The following IL17RB variants were observed in gnomAD, a reference collection of about 807,000 sequenced individuals.
IL17RB encodes the protein interleukin-17 receptor B.
A neutral mutation model predicts 43.9 loss-of-function variants in IL17RB; 36 were observed. That is an observed-to-expected ratio of 0.82 (90% CI 0.63 to 1.08). The LOEUF is 1.08. Ranked by LOEUF, IL17RB falls within the 50% of genes least tolerant of loss-of-function variation. The pLI is 0.00. For missense variants in IL17RB, 613 were observed against 613.6 expected (o/e 1.00, Z 0.01); for synonymous variants, 225 against 225.4 (o/e 1.00, Z 0.02).
chr3:53,857,071 G>A lies in IL17RB; in HGVS notation c.672+85G>A, dbSNP rs903840526. The A allele has an allele frequency of 6.8e-5, 94 of 1,377,194 alleles. No homozygotes were observed. The Admixed American group carries it at 1.4e-3, about 20-fold the overall frequency. 85.3% of individuals were successfully genotyped at this position (1,377,194 alleles called of 1,614,324 possible). Reference sequence around the variant, plus strand: ...AAAATGGGGACAGTGTTGTCCAAACGTGCTGGGCTACTTTGATGAATTCAA... The same window carrying A: ...AAAATGGGGACAGTGTTGTCCAAACATGCTGGGCTACTTTGATGAATTCAA... On this transcript the variant is annotated intron_variant, in intron 7 of 10. Coordinates refer to ENST00000288167, the MANE Select transcript of IL17RB (RefSeq NM_018725.4).
chr3:53,858,883 C>T (rs1268565366), intron 9 of IL17RB, 65 bp downstream of exon 9: 3 of 1,277,560 alleles, frequency 2.3e-6, no homozygotes, highest in African/African-American at 1.5e-5. Context: ...GCCCCCCACT[C>T]AGTATGTGGA....
rs3733072 is a variant in IL17RB, at chr3:53,852,249, G to A, written c.354+123G>A. ...CTCAATCTTCTGGGCTCAAGCGATC[G>A]TTCTACTTCAGCCTCCCAAGCAGCT... On this transcript the variant is annotated intron_variant, in intron 4 of 10. Transcript: ENST00000288167. The A allele has an allele frequency of 0.015, 13,657 of 887,640 alleles. 840 individuals carry two copies. The East Asian group carries it at 0.16, about 10-fold the overall frequency. The allele number at this position is 887,640 out of a possible 1,614,324, so 55.0% of individuals were successfully genotyped here.
intron 5 of IL17RB, 49 bp from the exon 6 acceptor site, chr3:53,855,245 G>C: frequency 7.7e-7 from 1 of 1,301,730 alleles, no homozygotes; most frequent in East Asian, 2.3e-5. Flanking sequence ...AGGGGGTGGG[G>C]CAGAGATACC....
At chr3:53,858,466 C>T (rs1259524261) in intron 8 of IL17RB, 12 of 1,304,300 alleles carry the variant, frequency 9.2e-6, no homozygotes, top group East Asian at 3.2e-5. Flanking sequence ...TTTAGGTAAG[C>T]GAACTGGTAT....
At chr3:53,855,684 G>C (rs115561361) in intron 6 of IL17RB, among the ~76,000 whole-genome samples, 3 of 152,144 alleles carry the variant, frequency 2.0e-5, no homozygotes, top group East Asian at 3.8e-4. Flanking sequence ...GGAGTCCTAC[G>C]AGCCCTTCCA....
intron 2 of IL17RB, among the ~76,000 whole-genome samples, chr3:53,849,262 G>A (rs1420555360): frequency 6.6e-6 from 1 of 152,216 alleles, no homozygotes; most frequent in African/African-American, 2.4e-5. Flanking sequence ...ACAGGTACCT[G>A]GAGTGGTCCC....
At chr3:53,847,905 G>T (rs537473042) in intron 1 of IL17RB, among the ~76,000 whole-genome samples, 7 of 152,286 alleles carry the variant, frequency 4.6e-5, no homozygotes, top group South Asian at 2.1e-4. Flanking sequence ...ATCAAAAGGA[G>T]ATCTTAGAAG....
chr3:53,852,009 C>T lies in IL17RB; in HGVS notation c.237C>T (p.Arg79=). The change falls in exon 4 of 11, where the codon CGC becomes CGT. Residue 79 remains arginine, a synonymous_variant. Transcript: ENST00000288167. ...TGCCTATCTCGGCAGCCAGCATCCG[C>T]TTGTTGAAGGCCACCAAGATTTGTG... ...SWVLRADASI[R]LLKATKICVT... The T allele has an allele frequency of 1.2e-6, 2 of 1,614,128 alleles. No individual in the cohort carries two copies. The highest frequency in any genetic ancestry group is 1.7e-6 in the Non-Finnish European group (2 of 1,180,006).
chr3:53,851,298 AG>A (rs1386788013), intron 3 of IL17RB, among the ~76,000 whole-genome samples: 2 of 152,204 alleles, frequency 1.3e-5, no homozygotes, highest in Non-Finnish European at 2.9e-5. Flanking sequence ...TCAGAGGGGT[AG>A]GGGAGGCAGA....
At chr3:53,863,002 A>T (rs1027369094) in intron 10 of IL17RB, among the ~76,000 whole-genome samples, 3 of 152,122 alleles carry the variant, frequency 2.0e-5, no homozygotes, top group Non-Finnish European at 2.9e-5. Flanking sequence ...TCGTCAGCCT[A>T]CTCAACAAGA....
chr3:53,857,871 G>A (rs1014247436), intron 8 of IL17RB, 181 bp downstream of exon 8: 5 of 602,754 alleles, frequency 8.3e-6, no homozygotes, highest in East Asian at 2.8e-5. Context: ...GGAGGCCGAC[G>A]TGGCAGTTGT....
rs200916302 is a variant in IL17RB, at chr3:53,860,189, T to G, written c.907T>G (p.Trp303Gly). ...LLLLSLLVAT[W>G]VLVAGIYLMW... ...CCTGCTGTCTCTGCTGGTGGCCACA[T>G]GGGTGCTGGTGGCAGGGATCTATCT... Residue 303 changes from tryptophan to glycine, a missense_variant, in exon 10 of 11, where the codon TGG becomes GGG. Transcript: ENST00000288167. 2 of 1,613,912 alleles carry G rather than the reference T, an allele frequency of 1.2e-6. No homozygotes were observed. Among genetic ancestry groups the G allele is most frequent in the East Asian group, 2.2e-5 (1 of 44,888 alleles).
intron 1 of IL17RB, among the ~76,000 whole-genome samples, chr3:53,848,216 T>A (rs542812664): frequency 1.3e-5 from 2 of 152,376 alleles, no homozygotes; most frequent in South Asian, 4.1e-4. Flanking sequence ...TACCATGGAC[T>A]GCATTCAGAG....
intron 6 of IL17RB, 127 bp from the exon 7 acceptor site, chr3:53,856,717 T>C: frequency 2.4e-6 from 2 of 846,246 alleles, no homozygotes; most frequent in South Asian, 3.3e-5. Flanking sequence ...GTTCACTATG[T>C]AGCAGCGTCC....
chr3:53,853,511 C>T (rs1699230767), intron 5 of IL17RB, among the ~76,000 whole-genome samples: 1 of 152,216 alleles, frequency 6.6e-6, no homozygotes, highest in African/African-American at 2.4e-5. Flanking sequence ...TGGCTTGTCC[C>T]CAAGCTGTCC....
chr3:53,850,906 C>G (rs969002635), intron 3 of IL17RB, among the ~76,000 whole-genome samples: 2 of 152,180 alleles, frequency 1.3e-5, no homozygotes, highest in Non-Finnish European at 2.9e-5. Flanking sequence ...AGTTTCTTAA[C>G]CTGCATACTG....
intron 9 of IL17RB, 138 bp downstream of exon 9, chr3:53,858,956 G>A (rs2107021714): frequency 1.6e-6 from 1 of 612,884 alleles, no homozygotes; most frequent in South Asian, 2.1e-5. Flanking sequence ...CTGGGGTGCA[G>A]AGAAAGCCAA....
At chr3:53,848,828 T>A in intron 2 of IL17RB, 140 bp downstream of exon 2, 1 of 923,332 alleles carries the variant, frequency 1.1e-6, no homozygotes, top group Non-Finnish European at 1.8e-6. Context: ...GCAGATGAAG[T>A]CTCTGTCTGC....
rs781706838 is a variant in IL17RB, at chr3:53,865,177, C to T, written c.1378C>T (p.Leu460Phe). 1.2e-6 allele frequency: 2 copies of T among 1,614,162 alleles called. No homozygotes were observed. The highest frequency in any genetic ancestry group is 1.7e-6 in the Non-Finnish European group (2 of 1,180,026). Reference protein sequence around the residue: ...EIDTKDDYNALSVCPKYHLMK... With the variant: ...EIDTKDDYNAFSVCPKYHLMK... Reference sequence around the variant, plus strand: ...TGATACAAAAGACGATTACAATGCTCTCAGTGTCTGCCCCAAGTACCACCT... The same window carrying T: ...TGATACAAAAGACGATTACAATGCTTTCAGTGTCTGCCCCAAGTACCACCT... The change falls in exon 11 of 11, where the codon CTC (leucine) becomes TTC (phenylalanine). Residue 460 changes from leucine (L) to phenylalanine (F), a missense_variant. Coordinates refer to ENST00000288167, the MANE Select transcript of IL17RB (RefSeq NM_018725.4).
Sources: gnomAD v4.1 joint callset for allele counts (sites outside exome capture counted in the v4.1 genomes callset) on GRCh38, gnomAD v4.1.1 for gene constraint, MANE v1.5 for transcripts, NCBI Gene and HGNC (gene_info 2026-07-23, HGNC 2026-07-21) for gene names.